AADACL3: variants seen among roughly 807,000 people sequenced by gnomAD.
AADACL3 encodes arylacetamide deacetylase like 3, also known as arylacetamide deacetylase-like 3.
A neutral mutation model predicts 13.6 loss-of-function variants in AADACL3; 13 were observed. The ratio of observed to expected loss-of-function variants is 0.95; its 90% CI spans 0.62 to 1.52. The LOEUF (loss-of-function observed/expected upper bound fraction) is 1.52. AADACL3 is among the 40% of genes most tolerant of loss of function. The probability of loss-of-function intolerance (pLI) is 0.00; values close to 1 mark genes in which losing one functional copy is unlikely to be tolerated. For synonymous variants in AADACL3, 195 were observed against 197.0 expected (o/e 0.99, Z 0.08); for missense variants, 519 against 499.2 (o/e 1.04, Z -0.38).
intron 3 of AADACL3, among the ~76,000 whole-genome samples, chr1:12,723,941 C>T (rs1166689213): frequency 1.3e-5 from 2 of 151,178 alleles, no homozygotes; most frequent in Admixed American, 6.6e-5. Flanking sequence ...TGCACCACCA[C>T]GCCCGGTTAA....
In AADACL3 at chr1:12,719,637, C is replaced by T. The variant is rs1217861305; in HGVS notation, c.331C>T (p.Leu111=). 6.2e-7 allele frequency: 1 copy of T among 1,614,104 alleles called. No individual in the cohort carries two copies. Among genetic ancestry groups the T allele is most frequent in the Non-Finnish European group, 8.5e-7 (1 of 1,180,048 alleles). ...CCAACCCAAGGCATCCACCTGCACC[C>T]TGAAGCCTGGCATCGTGTACTACCA... ...LYQPKASTCT[L]KPGIVYYHGG... Residue 111 remains leucine (L), a synonymous_variant, in exon 2 of 4, where the codon CTG becomes TTG. Coordinates refer to ENST00000359318, the MANE Select transcript of AADACL3 (RefSeq NM_001103170.3).
intron 3 of AADACL3, among the ~76,000 whole-genome samples, chr1:12,724,812 C>T (rs1266661241): frequency 6.6e-6 from 1 of 152,194 alleles, no homozygotes; most frequent in Non-Finnish European, 1.5e-5. Context: ...TCTACAAGAT[C>T]TCCCTTAACA....
chr1:12,721,840 C>A (rs898010537), intron 3 of AADACL3, among the ~76,000 whole-genome samples: 2 of 152,184 alleles, frequency 1.3e-5, no homozygotes, highest in African/African-American at 4.8e-5. Flanking sequence ...CAGCCTGGAG[C>A]CTCAAAGAGG....
At chr1:12,722,841 T>C (rs1252993660) in intron 3 of AADACL3, among the ~76,000 whole-genome samples, 1 of 152,166 alleles carries the variant, frequency 6.6e-6, no homozygotes, top group Non-Finnish European at 1.5e-5. Flanking sequence ...CTCTGGCCTC[T>C]GGTGGTACAG....
At position 12,728,391 on chromosome 1, in the gene AADACL3, T is replaced by G. The variant is rs1363878272; in HGVS notation, c.*2395T>G. On this transcript the variant is annotated 3_prime_UTR_variant, in exon 4 of 4. Transcript: ENST00000359318. ...GTGCATGTAAAAGTTACATTTCCAC[T>G]ATATTATAGTTTATTAAGTGTGCAA... 1 of 152,240 alleles carries G rather than the reference T, an allele frequency of 6.6e-6. No homozygotes were observed. The highest frequency in any genetic ancestry group is 2.4e-5 in the African/African-American group (1 of 41,458). The allele number at this position is 152,240 out of a possible 1,614,324, so 9.4% of individuals were successfully genotyped here. A position where few individuals can be genotyped will look rare whatever the true frequency, so the allele number is the denominator to read the frequency against.
intron 1 of AADACL3, among the ~76,000 whole-genome samples, chr1:12,718,359 CAAA>C (rs781999285): frequency 3.0e-5 from 2 of 66,552 alleles, no homozygotes; most frequent in Non-Finnish European, 3.1e-5. Context: ...CTCTTCTCTC[CAAA>C]AAAAAAAAAA....
In AADACL3 at chr1:12,719,507, T is replaced by A; in HGVS notation, c.201T>A (p.Ser67=). The A allele has an allele frequency of 6.2e-7, 1 of 1,614,130 alleles. No homozygotes were observed. The highest frequency in any genetic ancestry group is 8.5e-7 in the Non-Finnish European group (1 of 1,179,956). The stretch of plus-strand genomic sequence containing the variant: ...TATTTGAGAAGCTCAGAATCTGTTC[T>A]ATGCCCCAATTTTTCTGTTTCATGC... ...GMIFEKLRIC[S]MPQFFCFMQD... is the part of the protein sequence containing the mutation. The change falls in exon 2 of 4, where the codon TCT becomes TCA. Residue 67 remains serine, a synonymous_variant. Coordinates refer to ENST00000359318, the MANE Select transcript of AADACL3 (RefSeq NM_001103170.3).
At chr1:12,721,320 T>G (rs529601602) in intron 3 of AADACL3, among the ~76,000 whole-genome samples, 1 of 152,080 alleles carries the variant, frequency 6.6e-6, no homozygotes, top group Admixed American at 6.5e-5. Context: ...AAGAAGCACC[T>G]GAGCCTGGGA....
chr1:12,721,826 C>T (rs533070327), intron 3 of AADACL3, among the ~76,000 whole-genome samples: 22 of 152,204 alleles, frequency 1.4e-4, no homozygotes, highest in Non-Finnish European at 2.5e-4. Flanking sequence ...TGACAGTCAC[C>T]GCCCAGCCTG....
At chr1:12,723,664 A>C (rs1382290812) in intron 3 of AADACL3, among the ~76,000 whole-genome samples, 1 of 152,034 alleles carries the variant, frequency 6.6e-6, no homozygotes, top group Non-Finnish European at 1.5e-5. Context: ...TTTTTGGTAG[A>C]GGCAGGGTTT....
intron 1 of AADACL3, among the ~76,000 whole-genome samples, chr1:12,717,404 G>GT (rs1018816456): frequency 1.1e-4 from 16 of 152,126 alleles, no homozygotes; most frequent in African/African-American, 3.9e-4. Flanking sequence ...ACTTCACAGG[G>GT]TTTTGTGGAG....
Position 12,725,377 on chromosome 1 carries a change from T to G in AADACL3, c.605T>G (p.Val202Gly), listed in dbSNP as rs775523773. The change falls in exon 4 of 4, where the codon GTT becomes GGT. Residue 202 changes from valine (V) to glycine (G), a missense_variant. Physicochemically the swap from Val to Gly is moderately radical, Grantham distance 109. Transcript: ENST00000359318. Reference sequence around the variant, plus strand: ...TTCGGAGGGGCAATAGCCGCAGTGGTTTGTCAACAACTTGTGGACAGGCCA... The same window carrying G: ...TTCGGAGGGGCAATAGCCGCAGTGGGTTGTCAACAACTTGTGGACAGGCCA... ...DSFGGAIAAV[V>G]CQQLVDRPDL... 3.1e-6 allele frequency: 5 copies of G among 1,613,964 alleles called. No individual in the cohort carries two copies. Among genetic ancestry groups the G allele is most frequent in the Non-Finnish European group, 4.2e-6 (5 of 1,180,008 alleles).
In AADACL3 at chr1:12,725,412, CG is replaced by C. The variant is rs1557572349; in HGVS notation, c.642del (p.Ile215SerfsTer6). On this transcript the variant is annotated frameshift_variant, in exon 4 of 4. Coordinates refer to ENST00000359318, the MANE Select transcript of AADACL3 (RefSeq NM_001103170.3). LOFTEE classifies it low-confidence loss of function (END_TRUNC). ...QQLVDRPDLP[R>X]IRAQILIYAI... ...ACTTGTGGACAGGCCAGATCTGCCC[CG>C]GATCCGGGCTCAGATCCTGATCTAT... 5.0e-6 allele frequency: 8 copies of C among 1,613,988 alleles called. No homozygotes were observed. Among genetic ancestry groups the C allele is most frequent in the Admixed American group, 3.3e-5 (2 of 60,018 alleles).
chr1:12,725,176 G>T, intron 3 of AADACL3, 46 bp from the exon 4 acceptor site: 1 of 1,521,242 alleles, frequency 6.6e-7, no homozygotes, highest in Non-Finnish European at 8.8e-7. Context: ...CTGATATTTT[G>T]GATCTGCCGG....
intron 1 of AADACL3, among the ~76,000 whole-genome samples, chr1:12,718,153 C>T (rs1378071441): frequency 6.6e-6 from 1 of 152,104 alleles, no homozygotes; most frequent in East Asian, 1.9e-4. Context: ...TTATGACATA[C>T]ATTTTAATAT....
At position 12,719,654 on chromosome 1, in the gene AADACL3, G is replaced by A; in HGVS notation, c.348G>A (p.Val116=). 1 of 1,614,186 alleles carries A rather than the reference G, an allele frequency of 6.2e-7. No homozygotes were observed. Among genetic ancestry groups the A allele is most frequent in the Non-Finnish European group, 8.5e-7 (1 of 1,180,030 alleles). The change falls in exon 2 of 4, where the codon GTG becomes GTA. Residue 116 remains valine (V), a synonymous_variant. Transcript: ENST00000359318. ...ASTCTLKPGI[V]YYHGGGGVMG... is the part of the protein sequence containing the mutation. ...CCTGCACCCTGAAGCCTGGCATCGT[G>A]TACTACCACGGTGGCGGGGGCGTCA...
intron 3 of AADACL3, among the ~76,000 whole-genome samples, chr1:12,723,942 G>T (rs1417918374): frequency 6.6e-6 from 1 of 151,606 alleles, no homozygotes; most frequent in Non-Finnish European, 1.5e-5. Flanking sequence ...GCACCACCAC[G>T]CCCGGTTAAT....
At chr1:12,722,079 C>T (rs1638271447) in intron 3 of AADACL3, among the ~76,000 whole-genome samples, 1 of 152,132 alleles carries the variant, frequency 6.6e-6, no homozygotes, top group Admixed American at 6.5e-5. Context: ...CGCTTGTAAT[C>T]CCAGCACGAG....
chr1:12,720,365 T>C (rs1175080562), intron 2 of AADACL3, among the ~76,000 whole-genome samples: 1 of 152,196 alleles, frequency 6.6e-6, no homozygotes, highest in Non-Finnish European at 1.5e-5. Flanking sequence ...ATGAGAATGA[T>C]AGTAACAGCC....
Sources: gnomAD v4.1 joint callset for allele counts (sites outside exome capture counted in the v4.1 genomes callset) on GRCh38, gnomAD v4.1.1 for gene constraint, MANE v1.5 for transcripts, NCBI Gene and HGNC (gene_info 2026-07-23, HGNC 2026-07-21) for gene names.